Variants in KCNK4 observed in about 807,000 individuals in gnomAD.
The protein encoded by KCNK4 is potassium two pore domain channel subfamily K member 4.
KCNK4 carries 22 observed loss-of-function variants against 28.8 expected under a neutral mutation model. The ratio of observed to expected loss-of-function variants is 0.76; its 90% CI spans 0.55 to 1.09. KCNK4 has a LOEUF of 1.09. KCNK4 is among the 50% of genes least tolerant of loss of function. The pLI, the probability that KCNK4 is intolerant of heterozygous loss-of-function variation, is 0.00. For synonymous variants in KCNK4, 263 were observed against 252.9 expected (o/e 1.04, Z -0.38); for missense variants, 483 against 546.3 (o/e 0.88, Z 1.15).
At chr11:64,294,604 G>C (rs760343655) in intron 2 of KCNK4, among the ~76,000 whole-genome samples, 1 of 151,246 alleles carries the variant, frequency 6.6e-6, no homozygotes, top group African/African-American at 2.4e-5. Flanking sequence ...TTCTGATTTC[G>C]GAGTCACTGT....
At chr11:64,298,087 T>C (rs1265235617) in intron 5 of KCNK4, 23 bp from the exon 6 acceptor site, 1 of 1,610,874 alleles carries the variant, frequency 6.2e-7, no homozygotes, top group South Asian at 1.1e-5. Flanking sequence ...CAATTCTTTC[T>C]ACCTTCCCTG....
At position 64,299,869 on chromosome 11, in the gene KCNK4, C is replaced by T. The variant is rs1222637141; in HGVS notation, c.*143C>T. The T allele has an allele frequency of 4.1e-6, 6 of 1,478,468 alleles. No individual in the cohort carries two copies. Among genetic ancestry groups the T allele is most frequent in the Admixed American group, 2.0e-5 (1 of 49,772 alleles). 91.6% of individuals were successfully genotyped at this position (1,478,468 alleles called of 1,614,324 possible). On this transcript the variant is annotated 3_prime_UTR_variant, in exon 7 of 7. Coordinates refer to ENST00000422670, the MANE Select transcript of KCNK4 (RefSeq NM_033310.3). ...AGTTGCCTCTCCGCCTCCTCCCTGG[C>T]CCCGGCCCTTCCCTCACTTCCATCC...
In KCNK4 at chr11:64,293,072, G is replaced by A. The variant is rs1037695985; in HGVS notation, c.54G>A (p.Val18=). ...TGGCGCTGGTCTTGCTTTACTTGGT[G>A]TCTGGTGCCCTGGTGTTCCGGGCCC... ...ALLALVLLYL[V]SGALVFRALE... The change falls in exon 2 of 7, where the codon GTG becomes GTA. Residue 18 remains valine, a synonymous_variant. Coordinates refer to ENST00000422670, the MANE Select transcript of KCNK4 (RefSeq NM_033310.3). 2.6e-6 allele frequency: 4 copies of A among 1,548,986 alleles called. No homozygotes were observed. The African/African-American group carries it at 5.5e-5, about 21-fold the overall frequency.
chr11:64,293,623 CG>C (rs1478120301), intron 2 of KCNK4, among the ~76,000 whole-genome samples: 1 of 151,656 alleles, frequency 6.6e-6, no homozygotes, highest in Admixed American at 6.6e-5. Flanking sequence ...TTTTTTGAGA[CG>C]GAGTCTCCCT....
rs1245185752 is a variant in KCNK4 at position 64,297,488 on chromosome 11, C to G, written c.496C>G (p.Leu166Val). Residue 166 changes from leucine to valine, a missense_variant, in exon 5 of 7, where the codon CTA becomes GTA. Transcript: ENST00000422670. ...GCAGAAGTGGCACGTGCCACCGGAGCTAGTAAGAGTGCTGTCGGCGATGCT... is the reference window on the plus strand; with the variant it reads ...GCAGAAGTGGCACGTGCCACCGGAGGTAGTAAGAGTGCTGTCGGCGATGCT... ...IFLKWHVPPELVRVLSAMLFL... is the reference protein window; with the variant it reads ...IFLKWHVPPEVVRVLSAMLFL... 6.2e-7 allele frequency: 1 copy of G among 1,613,982 alleles called. No individual in the cohort carries two copies. The highest frequency in any genetic ancestry group is 8.5e-7 in the Non-Finnish European group (1 of 1,180,006).
Position 64,299,584 on chromosome 11 carries a change from T to C in KCNK4, c.1040T>C (p.Ile347Thr). The C allele has an allele frequency of 6.2e-7, 1 of 1,610,224 alleles. No homozygotes were observed. Among genetic ancestry groups the C allele is most frequent in the Non-Finnish European group, 8.5e-7 (1 of 1,178,988 alleles). The change falls in exon 7 of 7, where the codon ATC becomes ACC. Residue 347 changes from isoleucine to threonine, a missense_variant. By Grantham distance (89) the Ile-to-Thr change is moderately conservative (BLOSUM62 -1). Coordinates refer to ENST00000422670, the MANE Select transcript of KCNK4 (RefSeq NM_033310.3). ...LDYPSENLAF[I>T]DESSDTQSER... is the part of the protein sequence containing the mutation. ...TATCCCAGCGAGAACCTGGCCTTCA[T>C]CGACGAGTCCTCGGATACGCAGAGC...
At chr11:64,298,751 AT>A (rs1195014138) in intron 6 of KCNK4, among the ~76,000 whole-genome samples, 1 of 152,106 alleles carries the variant, frequency 6.6e-6, no homozygotes, top group Non-Finnish European at 1.5e-5. Flanking sequence ...AATAAATAAA[AT>A]TTTATTATGG....
In KCNK4 at chr11:64,292,915, C is replaced by T. The variant is rs1480230790; in HGVS notation, c.-77-27C>T. ...TGTGGGTGTCAGGCCAGCTCAGTGA[C>T]CCCAGCATCCCTGGTTTTGCCCGCA... On this transcript the variant is annotated intron_variant, in intron 1 of 6. Transcript: ENST00000422670. 4.2e-6 allele frequency: 6 copies of T among 1,444,878 alleles called. No individual in the cohort carries two copies. In the South Asian group the frequency reaches 8.7e-5, roughly 21 times the overall value. 89.5% of individuals were successfully genotyped at this position (1,444,878 alleles called of 1,614,324 possible). A position where few individuals can be genotyped will look rare whatever the true frequency, so the allele number is the denominator to read the frequency against.
Position 64,293,041 on chromosome 11 carries a change from C to T in KCNK4, c.23C>T (p.Ala8Val), listed in dbSNP as rs146724193. ...GCCATGCGCAGCACCACGCTCCTGG[C>T]CCTGCTGGCGCTGGTCTTGCTTTAC... MRSTTLLALLALVLLYLV... is the reference protein window; with the variant it reads MRSTTLLVLLALVLLYLV... The change falls in exon 2 of 7, where the codon GCC (alanine) becomes GTC (valine). Residue 8 changes from alanine to valine, a missense_variant. Transcript: ENST00000422670. 1.7e-5 allele frequency: 27 copies of T among 1,547,672 alleles called. No homozygotes were observed. Among genetic ancestry groups the T allele is most frequent in the Non-Finnish European group, 2.4e-5 (27 of 1,146,080 alleles).
intron 1 of KCNK4, chr11:64,292,103 G>T: frequency 9.2e-7 from 1 of 1,081,666 alleles, no homozygotes; most frequent in Non-Finnish European, 1.1e-6. Context: ...GGGCGTCTGC[G>T]GAGAGTGCAG....
chr11:64,293,091 C>T lies in KCNK4; in HGVS notation c.73C>T (p.Arg25Trp), dbSNP rs2135225544. The T allele has an allele frequency of 1.9e-6, 3 of 1,548,668 alleles. No homozygotes were observed. The highest frequency in any genetic ancestry group is 1.2e-5 in the South Asian group (1 of 83,542). ...LYLVSGALVF[R>W]ALEQPHEQQA... Reference sequence around the variant, plus strand: ...CTTGGTGTCTGGTGCCCTGGTGTTCCGGGCCCTGGAGCAGCCCCACGAGCA... The same window carrying T: ...CTTGGTGTCTGGTGCCCTGGTGTTCTGGGCCCTGGAGCAGCCCCACGAGCA... The change falls in exon 2 of 7, where the codon CGG becomes TGG. Residue 25 changes from arginine to tryptophan, a missense_variant. By Grantham distance (101) the Arg-to-Trp change is moderately radical. Transcript: ENST00000422670.
At chr11:64,295,708 C>G (rs1333925718) in intron 2 of KCNK4, among the ~76,000 whole-genome samples, 1 of 151,506 alleles carries the variant, frequency 6.6e-6, no homozygotes, top group Admixed American at 6.6e-5. Context: ...GGGTGGGGAC[C>G]AGTTTGAAAA....
intron 2 of KCNK4, among the ~76,000 whole-genome samples, chr11:64,294,411 G>A (rs1430742241): frequency 1.3e-5 from 2 of 151,344 alleles, no homozygotes; most frequent in Non-Finnish European, 2.9e-5. Context: ...CCAGCTACTC[G>A]GGAGGCTGAG....
At chr11:64,298,380 T>G in intron 6 of KCNK4, 131 bp downstream of exon 6, 1 of 1,111,986 alleles carries the variant, frequency 9.0e-7, no homozygotes, top group Middle Eastern at 3.0e-4. Flanking sequence ...TGAGCCTCTG[T>G]GTGTGCCCCG....
chr11:64,292,067 C>G lies in KCNK4; in HGVS notation c.-78+501C>G, dbSNP rs536354731. The G allele has an allele frequency of 6.7e-5, 75 of 1,125,292 alleles. No homozygotes were observed. In the Middle Eastern group the frequency reaches 9.9e-4, roughly 15 times the overall value. 69.7% of individuals were successfully genotyped at this position (1,125,292 alleles called of 1,614,324 possible). On this transcript the variant is annotated intron_variant, in intron 1 of 6. Coordinates refer to ENST00000422670, the MANE Select transcript of KCNK4 (RefSeq NM_033310.3). ...GCTCTGGGTGCCCTGGCGCGGCCGGCACGCCCATGGGGGCCGGGGATGCCG... is the reference window on the plus strand; with the variant it reads ...GCTCTGGGTGCCCTGGCGCGGCCGGGACGCCCATGGGGGCCGGGGATGCCG...
In KCNK4 at chr11:64,293,187, G is replaced by C. The variant is rs2034682909; in HGVS notation, c.169G>C (p.Glu57Gln). Residue 57 changes from glutamate (E) to glutamine (Q), a missense_variant, in exon 2 of 7, where the codon GAG (glutamate) becomes CAG (glutamine). Coordinates refer to ENST00000422670, the MANE Select transcript of KCNK4 (RefSeq NM_033310.3). ...GGCCCATCCGTGTGTGAGCGACCAGGAGCTGGGCCTCCTCATCAAGGTGCG... is the reference window on the plus strand; with the variant it reads ...GGCCCATCCGTGTGTGAGCGACCAGCAGCTGGGCCTCCTCATCAAGGTGCG... ...LRAHPCVSDQELGLLIKEVAD... is the reference protein window; with the variant it reads ...LRAHPCVSDQQLGLLIKEVAD... 2.0e-6 allele frequency: 3 copies of C among 1,475,822 alleles called. No individual in the cohort carries two copies. The highest frequency in any genetic ancestry group is 2.7e-6 in the Non-Finnish European group (3 of 1,106,754). The allele number at this position is 1,475,822 out of a possible 1,614,324, so 91.4% of individuals were successfully genotyped here. A position where few individuals can be genotyped will look rare whatever the true frequency, so the allele number is the denominator to read the frequency against.
chr11:64,299,502 C>T lies in KCNK4; in HGVS notation c.958C>T (p.Pro320Ser), dbSNP rs2034869601. ...PAQPLGRPRS[P>S]SPPEKAQPPS... ...GCAGCCGCTGGGCAGGCCCCGATCCCCTTCGCCCCCCGAGAAGGCTCAGCC... is the reference window on the plus strand; with the variant it reads ...GCAGCCGCTGGGCAGGCCCCGATCCTCTTCGCCCCCCGAGAAGGCTCAGCC... The change falls in exon 7 of 7, where the codon CCT becomes TCT. Residue 320 changes from proline to serine, a missense_variant. By Grantham distance (74) the Pro-to-Ser change is moderately conservative. Coordinates refer to ENST00000422670, the MANE Select transcript of KCNK4 (RefSeq NM_033310.3). 1 of 1,608,930 alleles carries T rather than the reference C, an allele frequency of 6.2e-7. No individual in the cohort carries two copies. The highest frequency in any genetic ancestry group is 8.5e-7 in the Non-Finnish European group (1 of 1,178,626).
At chr11:64,294,391 G>A (rs946849907) in intron 2 of KCNK4, among the ~76,000 whole-genome samples, 28 of 151,752 alleles carry the variant, frequency 1.8e-4, no homozygotes, top group South Asian at 4.1e-4. Flanking sequence ...GGTGGTGCAT[G>A]CCTGTGGTCC....
At chr11:64,294,736 T>G (rs1181163446) in intron 2 of KCNK4, among the ~76,000 whole-genome samples, 1 of 152,106 alleles carries the variant, frequency 6.6e-6, no homozygotes, top group Non-Finnish European at 1.5e-5. Flanking sequence ...GAGGCCTCAG[T>G]GTTCCAGCAG....
Sources: gnomAD v4.1 joint callset for allele counts (sites outside exome capture counted in the v4.1 genomes callset) on GRCh38, gnomAD v4.1.1 for gene constraint, MANE v1.5 for transcripts, NCBI Gene and HGNC (gene_info 2026-07-23, HGNC 2026-07-21) for gene names.